IMMP2L: variants seen among roughly 807,000 people sequenced by gnomAD.
The protein encoded by IMMP2L is mitochondrial inner membrane protease subunit 2.
In IMMP2L, 18 loss-of-function variants were observed where a neutral mutation model predicts 19.3. That is an observed-to-expected ratio of 0.93 (90% CI 0.64 to 1.38). The LOEUF (loss-of-function observed/expected upper bound fraction) is 1.38, where lower values mean the gene tolerates loss of function less well. Ranked by LOEUF, IMMP2L falls within the 40% of genes most tolerant of loss-of-function variation. The probability of loss-of-function intolerance (pLI) is 0.00; values close to 1 mark genes in which losing one functional copy is unlikely to be tolerated. For missense variants in IMMP2L, 233 were observed against 218.2 expected, an observed-to-expected ratio of 1.07 and a Z score of -0.43; for synonymous variants, 76 against 73.0, an observed-to-expected ratio of 1.04 and a Z score of -0.21.
intron 3 of IMMP2L, among the ~76,000 whole-genome samples, chr7:110,981,845 CA>C (rs1214624280): frequency 6.6e-6 from 1 of 151,882 alleles, no homozygotes; most frequent in African/African-American, 2.4e-5. Context: ...ATGCCCAACA[CA>C]AAAAAACAAC....
chr7:111,442,990 G>A (rs143705220), intron 3 of IMMP2L, among the ~76,000 whole-genome samples: 19 of 151,972 alleles, frequency 1.3e-4, no homozygotes, highest in Non-Finnish European at 2.1e-4. Flanking sequence ...CAACCATCTA[G>A]AATCTCTCAG....
chr7:110,893,316 T>G (rs1190580266), intron 4 of IMMP2L, among the ~76,000 whole-genome samples: 1 of 152,166 alleles, frequency 6.6e-6, no homozygotes, highest in Non-Finnish European at 1.5e-5. Flanking sequence ...TATAAAAAAT[T>G]TAATATCTAC....
At chr7:111,037,783 T>C (rs1029785806) in intron 3 of IMMP2L, among the ~76,000 whole-genome samples, 5 of 152,174 alleles carry the variant, frequency 3.3e-5, no homozygotes, top group African/African-American at 1.2e-4. Context: ...TAATTAATTA[T>C]GTACAATTGC....
At position 110,814,449 on chromosome 7, in the gene IMMP2L, G is replaced by A. The variant is rs192826144; in HGVS notation, c.408+72144C>T. Among the ~76,000 whole-genome samples the A allele has an allele frequency of 1.2e-3, 175 of 149,604 alleles. 1 individual carries two copies. Among genetic ancestry groups the A allele is most frequent in the African/African-American group, 4.2e-3 (171 of 40,930 alleles). On this transcript the variant is annotated intron_variant, in intron 5 of 5. Transcript: ENST00000405709. ...AAAGTAAAAAAAAAAAAACTATATA[G>A]TAAAAAAGCATTATCAGAGTATTAA...
At chr7:110,667,316 T>C (rs1364934294) in intron 5 of IMMP2L, among the ~76,000 whole-genome samples, 1 of 152,208 alleles carries the variant, frequency 6.6e-6, no homozygotes. Context: ...TATATATAAA[T>C]TTACATCATT....
intron 3 of IMMP2L, among the ~76,000 whole-genome samples, chr7:111,387,995 A>AC (rs1831954687): frequency 6.6e-6 from 1 of 151,218 alleles, no homozygotes; most frequent in African/African-American, 2.4e-5. Context: ...AAAAAAAAAA[A>AC]AAAACTAAAA....
chr7:110,939,092 A>C (rs550827211), intron 4 of IMMP2L, among the ~76,000 whole-genome samples: 4 of 152,246 alleles, frequency 2.6e-5, no homozygotes, highest in Admixed American at 1.3e-4. Context: ...AAGGTAGAAG[A>C]AAGTATAGAG....
chr7:110,863,652 T>A (rs1807686209), intron 5 of IMMP2L, among the ~76,000 whole-genome samples: 1 of 152,142 alleles, frequency 6.6e-6, no homozygotes. Context: ...GATCATGAAG[T>A]TAAAACAAAC....
At chr7:111,098,680 T>C (rs1234949244) in intron 3 of IMMP2L, among the ~76,000 whole-genome samples, 1 of 151,708 alleles carries the variant, frequency 6.6e-6, no homozygotes, top group African/African-American at 2.4e-5. Flanking sequence ...TTAATCTTCA[T>C]AACGACCGTA....
chr7:110,888,579 T>C (rs985907791), intron 4 of IMMP2L, among the ~76,000 whole-genome samples: 1 of 152,208 alleles, frequency 6.6e-6, no homozygotes, highest in African/African-American at 2.4e-5. Context: ...AGAAGAGTGA[T>C]ATGAAACCAA....
intron 3 of IMMP2L, among the ~76,000 whole-genome samples, chr7:110,974,284 G>A (rs963840274): frequency 1.3e-5 from 2 of 151,904 alleles, no homozygotes; most frequent in Non-Finnish European, 2.9e-5. Flanking sequence ...AAGAGACATG[G>A]GCACAAACAT....
intron 3 of IMMP2L, among the ~76,000 whole-genome samples, chr7:111,028,333 C>A (rs1827070505): frequency 6.6e-6 from 1 of 152,036 alleles, no homozygotes; most frequent in Non-Finnish European, 1.5e-5. Flanking sequence ...ACAGCAAATA[C>A]TGTATATTGT....
At chr7:110,853,549 A>C (rs1806457309) in intron 5 of IMMP2L, among the ~76,000 whole-genome samples, 1 of 152,120 alleles carries the variant, frequency 6.6e-6, no homozygotes, top group Admixed American at 6.6e-5. Flanking sequence ...ATTTTTCTAT[A>C]ATGTTAGTTA....
At chr7:111,126,557 C>G (rs892840036) in intron 3 of IMMP2L, among the ~76,000 whole-genome samples, 2 of 151,994 alleles carry the variant, frequency 1.3e-5, no homozygotes, top group African/African-American at 4.8e-5. Context: ...ATTTAAGGCA[C>G]TGGAAACCCA....
At chr7:111,128,953 A>C (rs1024264857) in intron 3 of IMMP2L, among the ~76,000 whole-genome samples, 33 of 152,350 alleles carry the variant, frequency 2.2e-4, no homozygotes, top group African/African-American at 7.7e-4. Flanking sequence ...TATCTAGCAT[A>C]GACAAAATGT....
chr7:111,433,005 G>A (rs1014817578), intron 3 of IMMP2L, among the ~76,000 whole-genome samples: 1 of 151,012 alleles, frequency 6.6e-6, no homozygotes, highest in Admixed American at 6.6e-5. Flanking sequence ...TAACAAAGAA[G>A]GTGAACTATC....
intron 1 of IMMP2L, among the ~76,000 whole-genome samples, chr7:111,545,820 C>A (rs1269482733): frequency 6.6e-6 from 1 of 152,040 alleles, no homozygotes; most frequent in African/African-American, 2.4e-5. Context: ...ACAAAATTTA[C>A]AATACTCAAA....
chr7:111,404,615 T>C (rs1833759920), intron 3 of IMMP2L, among the ~76,000 whole-genome samples: 3 of 152,230 alleles, frequency 2.0e-5, no homozygotes, highest in East Asian at 1.9e-4. Flanking sequence ...GTCTATAAAC[T>C]ATACTTTTTA....
intron 3 of IMMP2L, among the ~76,000 whole-genome samples, chr7:111,308,522 A>C (rs1350928390): frequency 1.3e-5 from 2 of 151,992 alleles, no homozygotes; most frequent in African/African-American, 4.8e-5. Flanking sequence ...GAGAACAAAA[A>C]GTTTCTAGGC....
Sources: allele counts gnomAD v4.1 joint callset (sites outside exome capture counted in the v4.1 genomes callset), GRCh38; gene constraint gnomAD v4.1.1; transcripts MANE v1.5; gene names NCBI Gene and HGNC (gene_info 2026-07-23, HGNC 2026-07-21).